Variants in LLGL1 observed in about 807,000 individuals in gnomAD.
LLGL1 encodes the protein LLGL scribble cell polarity complex component 1.
In LLGL1, 58 loss-of-function variants were observed where a neutral mutation model predicts 110.6. The observed-to-expected ratio is 0.52, with a 90% CI of 0.42 to 0.65. The LOEUF (loss-of-function observed/expected upper bound fraction) is 0.65. Among genes scored for constraint, LLGL1 ranks in the 30% least tolerant of loss-of-function variants. LLGL1 has a pLI of 0.00. For synonymous variants in LLGL1, 674 were observed against 607.2 expected (o/e 1.11, Z -1.62); for missense variants, 1,229 against 1,462.1 (o/e 0.84, Z 2.60).
intron 4 of LLGL1, 61 bp from the exon 5 acceptor site, chr17:18,233,717 C>T: frequency 1.3e-6 from 2 of 1,546,524 alleles, no homozygotes; most frequent in Non-Finnish European, 1.8e-6. Context: ...CAGCCCCTCA[C>T]ACCCCACCTG....
chr17:18,240,614 A>C lies in LLGL1; in HGVS notation c.2243A>C (p.Asn748Thr). ...GGGCCCACCATGTGGGCTGGCACCAACTCAGGCTCTGTGTTCGCCTATGCA... is the reference window on the plus strand; with the variant it reads ...GGGCCCACCATGTGGGCTGGCACCACCTCAGGCTCTGTGTTCGCCTATGCA... The part of the protein sequence containing the change: ...HHGPTMWAGT[N>T]SGSVFAYALE... The change falls in exon 17 of 23, where the codon AAC becomes ACC. Residue 748 changes from asparagine to threonine, a missense_variant. Asn to Thr is a moderately conservative substitution (Grantham distance 65, BLOSUM62 0). Transcript: ENST00000316843. The surrounding 1 kb of genome is among the most constrained non-coding windows in gnomAD (Gnocchi z 5.3). The C allele has an allele frequency of 1.9e-6, 3 of 1,608,422 alleles. No individual in the cohort carries two copies. The highest frequency in any genetic ancestry group is 2.5e-6 in the Non-Finnish European group (3 of 1,176,500).
intron 8 of LLGL1, 43 bp downstream of exon 8, chr17:18,234,746 T>A (rs757221960): frequency 5.0e-6 from 8 of 1,613,736 alleles, no homozygotes; most frequent in African/African-American, 4.0e-5. Context: ...TGGGTCTGGC[T>A]AGGGGGCTGG....
At position 18,242,799 on chromosome 17, in the gene LLGL1, C is replaced by T. The variant is rs564274000; in HGVS notation, c.3173C>T (p.Ala1058Val). 5 of 1,557,304 alleles carry T rather than the reference C, an allele frequency of 3.2e-6. No individual in the cohort carries two copies. The highest frequency in any genetic ancestry group is 1.2e-5 in the South Asian group (1 of 84,400). The change falls in exon 22 of 23, where the codon GCC becomes GTC. Residue 1058 changes from alanine (A) to valine (V), a missense_variant. Physicochemically the swap from Ala to Val is moderately conservative, Grantham distance 64. Coordinates refer to ENST00000316843, the MANE Select transcript of LLGL1 (RefSeq NM_004140.4). ...LRNLAEDEAH[A>V]CAILIK Reference sequence around the variant, plus strand: ...AACCTGGCAGAAGACGAGGCCCACGCCTGTGCCATCCTGATCAAATGAGGT... The same window carrying T: ...AACCTGGCAGAAGACGAGGCCCACGTCTGTGCCATCCTGATCAAATGAGGT...
At position 18,244,679 on chromosome 17, in the gene LLGL1, C is replaced by T. The variant is rs565431841; in HGVS notation, c.*773C>T. ...GGCATGGATGTGACTGGGAGCTCTGCTGGGCACCCACATCTGGGGCCTAGT... is the reference window on the plus strand; with the variant it reads ...GGCATGGATGTGACTGGGAGCTCTGTTGGGCACCCACATCTGGGGCCTAGT... On this transcript the variant is annotated 3_prime_UTR_variant, in exon 23 of 23. Coordinates refer to ENST00000316843, the MANE Select transcript of LLGL1 (RefSeq NM_004140.4). The T allele has an allele frequency of 7.5e-6, 1 of 132,972 alleles. No homozygotes were observed. Among genetic ancestry groups the T allele is most frequent in the African/African-American group, 3.1e-5 (1 of 32,096 alleles). 8.2% of individuals were successfully genotyped at this position (132,972 alleles called of 1,614,324 possible).
chr17:18,242,555 T>C lies in LLGL1; in HGVS notation c.3043T>C (p.Ser1015Pro). 6.2e-7 allele frequency: 1 copy of C among 1,614,100 alleles called. No homozygotes were observed. The highest frequency in any genetic ancestry group is 8.5e-7 in the Non-Finnish European group (1 of 1,179,966). The change falls in exon 21 of 23, where the codon TCA (serine) becomes CCA (proline). Residue 1015 changes from serine (S) to proline (P), a missense_variant. Coordinates refer to ENST00000316843, the MANE Select transcript of LLGL1 (RefSeq NM_004140.4). ...TGCACTCTCACCCATGTCCATCGAC[T>C]CAGCCACCAGTGCTGACACCACGCT... ...EAALSPMSIDSATSADTTLDT... is the reference protein window; with the variant it reads ...EAALSPMSIDPATSADTTLDT...
At chr17:18,233,724 C>A in intron 4 of LLGL1, 54 bp from the exon 5 acceptor site, 1 of 1,562,416 alleles carries the variant, frequency 6.4e-7, no homozygotes, top group Non-Finnish European at 8.7e-7. Context: ...TCACACCCCA[C>A]CTGAGCAGGT....
intron 16 of LLGL1, among the ~76,000 whole-genome samples, chr17:18,239,593 C>A (rs910904506): frequency 2.0e-5 from 3 of 152,126 alleles, no homozygotes; most frequent in Admixed American, 6.5e-5. Flanking sequence ...ACAGCCACTG[C>A]TCACATCATG....
At chr17:18,231,561 G>A (rs1253641632) in intron 2 of LLGL1, among the ~76,000 whole-genome samples, 2 of 152,212 alleles carry the variant, frequency 1.3e-5, no homozygotes, top group Non-Finnish European at 2.9e-5. Context: ...CCCCCTCCAA[G>A]TCTGTGTGCT....
intron 1 of LLGL1, among the ~76,000 whole-genome samples, chr17:18,226,357 G>A (rs1201855057): frequency 6.6e-6 from 1 of 152,106 alleles, no homozygotes; most frequent in African/African-American, 2.4e-5. Flanking sequence ...TCGGCCCTTG[G>A]GACAGCCCTG....
rs377514128 is a variant in LLGL1, at chr17:18,233,730, C to T, written c.393-48C>T. 46 of 1,568,140 alleles carry T rather than the reference C, an allele frequency of 2.9e-5. No homozygotes were observed. The African/African-American group carries it at 5.3e-4, about 18-fold the overall frequency. ...CCCAGCCCCTCACACCCCACCTGAG[C>T]AGGTGGATGGGCTTGTACCCTCACT... On this transcript the variant is annotated intron_variant, in intron 4 of 22. Coordinates refer to ENST00000316843, the MANE Select transcript of LLGL1 (RefSeq NM_004140.4).
At chr17:18,225,810 G>A in intron 1 of LLGL1, 47 bp downstream of exon 1, 1 of 859,530 alleles carries the variant, frequency 1.2e-6, no homozygotes, top group Non-Finnish European at 1.4e-6. Flanking sequence ...GGGGCGGGAC[G>A]GGGGCCTGGG....
Position 18,238,184 on chromosome 17 carries a change from C to A in LLGL1, c.2022C>A (p.Gly674=). ...GCATTCGCAAGAGTCGTGTCTCTGGCAAGAAGCGGGCTGCTAATGCCAGCA... is the reference window on the plus strand; with the variant it reads ...GCATTCGCAAGAGTCGTGTCTCTGGAAAGAAGCGGGCTGCTAATGCCAGCA... ...FRRIRKSRVS[G]KKRAANASSK... The change falls in exon 15 of 23, where the codon GGC becomes GGA. Residue 674 remains glycine, a synonymous_variant. Transcript: ENST00000316843. The A allele has an allele frequency of 6.2e-7, 1 of 1,612,614 alleles. No homozygotes were observed. The highest frequency in any genetic ancestry group is 8.5e-7 in the Non-Finnish European group (1 of 1,180,036).
intron 2 of LLGL1, among the ~76,000 whole-genome samples, chr17:18,231,913 C>T (rs1320545894): frequency 1.3e-5 from 2 of 152,226 alleles, no homozygotes; most frequent in South Asian, 4.1e-4. Context: ...CTGCCTCGGC[C>T]TCCCAAAGTG....
intron 1 of LLGL1, among the ~76,000 whole-genome samples, chr17:18,229,159 G>A (rs914446019): frequency 6.6e-6 from 1 of 152,168 alleles, no homozygotes; most frequent in African/African-American, 2.4e-5. Context: ...CCCAGGGAGG[G>A]CACAGCCAGG....
In LLGL1 at chr17:18,235,083, C is replaced by T. The variant is rs748467233; in HGVS notation, c.1061-6C>T. Reference sequence around the variant, plus strand: ...GTGCTCACCCCATACTCCCTCCGTCCCACAGAATTTGATGACCCCCAGGCC... The same window carrying T: ...GTGCTCACCCCATACTCCCTCCGTCTCACAGAATTTGATGACCCCCAGGCC... On this transcript the variant is annotated splice_polypyrimidine_tract_variant and splice_region_variant and intron_variant, in intron 9 of 22. Coordinates refer to ENST00000316843, the MANE Select transcript of LLGL1 (RefSeq NM_004140.4). The T allele has an allele frequency of 6.2e-7, 1 of 1,613,962 alleles. No individual in the cohort carries two copies. The highest frequency in any genetic ancestry group is 8.5e-7 in the Non-Finnish European group (1 of 1,180,002).
Position 18,237,724 on chromosome 17 carries a change from C to G in LLGL1, c.1855C>G (p.His619Asp). Residue 619 changes from histidine (H) to aspartate (D), a missense_variant, in exon 14 of 23, where the codon CAT (histidine) becomes GAT (aspartate). By Grantham distance (81) the His-to-Asp change is moderately conservative (BLOSUM62 -1). Coordinates refer to ENST00000316843, the MANE Select transcript of LLGL1 (RefSeq NM_004140.4). ...EWSLVAFGTSHGFGLFDYQRK... is the reference protein window; with the variant it reads ...EWSLVAFGTSDGFGLFDYQRK... ...GAGCCTCGTGGCTTTTGGCACCAGTCATGGCTTTGGCCTCTTCGACTACCA... is the reference window on the plus strand; with the variant it reads ...GAGCCTCGTGGCTTTTGGCACCAGTGATGGCTTTGGCCTCTTCGACTACCA... 4 of 1,612,900 alleles carry G rather than the reference C, an allele frequency of 2.5e-6. No individual in the cohort carries two copies. Among genetic ancestry groups the G allele is most frequent in the Non-Finnish European group, 3.4e-6 (4 of 1,179,910 alleles).
chr17:18,241,783 G>A, intron 18 of LLGL1, 68 bp downstream of exon 18: 2 of 1,608,060 alleles, frequency 1.2e-6, no homozygotes, highest in Middle Eastern at 1.7e-4. Flanking sequence ...AGTACTGCTT[G>A]GGAGCAGGAA....
rs755240733 is a variant in LLGL1 at position 18,234,611 on chromosome 17, C to T, written c.851-38C>T. 1.9e-6 allele frequency: 3 copies of T among 1,611,234 alleles called. No homozygotes were observed. The Admixed American group carries it at 5.0e-5, about 27-fold the overall frequency. ...CAGGAATGGCAGAATTGCTAAGAAC[C>T]ACCAGTGAGTCTGGTCTGACGCTGT... On this transcript the variant is annotated intron_variant, in intron 7 of 22. Coordinates refer to ENST00000316843, the MANE Select transcript of LLGL1 (RefSeq NM_004140.4).
chr17:18,237,453 T>A, intron 13 of LLGL1, 28 bp from the exon 14 acceptor site: 1 of 1,543,070 alleles, frequency 6.5e-7, no homozygotes, highest in Non-Finnish European at 8.8e-7. Context: ...CCTGCGCTGA[T>A]GCTCCCCCTG....
Sources: allele counts gnomAD v4.1 joint callset (sites outside exome capture counted in the v4.1 genomes callset), GRCh38; gene constraint gnomAD v4.1.1; non-coding constraint Gnocchi (gnomAD v3.1); transcripts MANE v1.5; gene names NCBI Gene and HGNC (gene_info 2026-07-23, HGNC 2026-07-21).